TRIM43B: variants seen among roughly 807,000 people sequenced by gnomAD.
TRIM43B encodes tripartite motif-containing protein 43B.
A neutral mutation model predicts 27.0 loss-of-function variants in TRIM43B; 15 were observed. The observed-to-expected ratio is 0.55, with a 90% CI of 0.37 to 0.85. TRIM43B has a LOEUF of 0.85. Ranked by LOEUF, TRIM43B falls within the 40% of genes least tolerant of loss-of-function variation. TRIM43B has a pLI of 0.00. For synonymous variants in TRIM43B, 69 were observed against 97.8 expected (o/e 0.71, Z 1.74); for missense variants, 172 against 289.8 (o/e 0.59, Z 2.95).
At chr2:95,484,262 C>G (rs1305275842) in intron 1 of TRIM43B, among the ~76,000 whole-genome samples, 2 of 151,878 alleles carry the variant, frequency 1.3e-5, no homozygotes, top group African/African-American at 4.8e-5. Flanking sequence ...TTTCCAGCTA[C>G]TCTGGAGGCG....
chr2:95,480,506 G>A (rs551649603), exon 4 of TRIM43B: 2 of 1,607,746 alleles, frequency 1.2e-6, no homozygotes, highest in Admixed American at 1.7e-5. Context: ...ACTCATTCCT[G>A]ATCATCTGTG....
At chr2:95,481,022 C>G (rs1019748273) in intron 3 of TRIM43B, among the ~76,000 whole-genome samples, 10 of 152,088 alleles carry the variant, frequency 6.6e-5, no homozygotes, top group African/African-American at 2.4e-4. Flanking sequence ...TCCATAGACT[C>G]TGTATTGCAC....
chr2:95,482,322 C>T (rs1683544076), exon 2 of TRIM43B: 2 of 1,611,596 alleles, frequency 1.2e-6, no homozygotes, highest in Middle Eastern at 4.5e-4. Flanking sequence ...CCTCAGCTGC[C>T]TCTTCGATGG....
Position 95,481,581 on chromosome 2 carries a change from G to A in TRIM43B, c.507+14C>T, listed in dbSNP as rs766930832. 45 of 1,601,158 alleles carry A rather than the reference G, an allele frequency of 2.8e-5. No homozygotes were observed. In the Admixed American group the frequency reaches 3.5e-4, roughly 12 times the overall value. On this transcript the variant is annotated intron_variant, in intron 3 of 6. Transcript: ENST00000639673. The stretch of plus-strand genomic sequence containing the variant: ...TCTCAAGCTGGTCAGGAGGACTCAC[G>A]GTCTCATACTTACCCTCAAGAGGAA...
intron 1 of TRIM43B, among the ~76,000 whole-genome samples, 198 bp downstream of exon 1, chr2:95,484,408 G>A (rs1260769989): frequency 6.6e-6 from 1 of 151,692 alleles, no homozygotes; most frequent in African/African-American, 2.4e-5. Context: ...AGCTGAACAT[G>A]GTGGCCCATG....
At chr2:95,484,432 C>A (rs894948714) in intron 1 of TRIM43B, among the ~76,000 whole-genome samples, 174 bp downstream of exon 1, 2 of 150,476 alleles carry the variant, frequency 1.3e-5, no homozygotes, top group African/African-American at 4.9e-5. Flanking sequence ...AATCCATAAA[C>A]CTATGGATTA....
intron 1 of TRIM43B, 140 bp from the exon 2 acceptor site, chr2:95,482,858 G>A: frequency 6.8e-7 from 1 of 1,479,078 alleles, no homozygotes; most frequent in Admixed American, 2.6e-5. Context: ...GACAGAAATA[G>A]GAAAAATAGA....
rs980183297 is a variant in TRIM43B, at chr2:95,482,896, T to G, written c.-4-178A>C. On this transcript the variant is annotated intron_variant, in intron 1 of 6. Coordinates refer to ENST00000639673, the Ensembl canonical transcript of TRIM43B. ...ACTAAGGCACAAAGAGACATCAATC[T>G]CTATAAAAAGTGACTGTTCTCCAAT... Among the ~76,000 whole-genome samples the G allele has an allele frequency of 6.6e-5, 10 of 152,250 alleles. No homozygotes were observed. The East Asian group carries it at 1.9e-3, about 29-fold the overall frequency.
At chr2:95,481,635 C>T in exon 3 of TRIM43B, 1 of 1,612,716 alleles carries the variant, frequency 6.2e-7, no homozygotes, top group Non-Finnish European at 8.5e-7. Context: ...ATATAGATTT[C>T]TCTGATTTTC....
At chr2:95,481,303 A>G (rs756288410) in intron 3 of TRIM43B, among the ~76,000 whole-genome samples, 8 of 152,138 alleles carry the variant, frequency 5.3e-5, no homozygotes, top group Non-Finnish European at 1.2e-4. Context: ...TCAATTATAT[A>G]CTATTTAATC....
chr2:95,484,624 T>G (rs1683608246), exon 1 of TRIM43B: 1 of 152,186 alleles, frequency 6.6e-6, no homozygotes, highest in Non-Finnish European at 1.5e-5. Flanking sequence ...TATATCTATG[T>G]TCTCACCAAA....
intron 1 of TRIM43B, among the ~76,000 whole-genome samples, chr2:95,483,082 C>A (rs1036033804): frequency 2.0e-5 from 3 of 152,086 alleles, no homozygotes; most frequent in African/African-American, 4.8e-5. Context: ...TAACAGTCTT[C>A]ATTGCCAGTG....
In TRIM43B at chr2:95,481,699, G is replaced by C. The variant is rs758001897; in HGVS notation, c.412-9C>G. The C allele has an allele frequency of 1.2e-6, 2 of 1,610,090 alleles. No homozygotes were observed. The highest frequency in any genetic ancestry group is 1.7e-5 in the Admixed American group (1 of 59,464). ...TGCTTTAAGAGTTTCTCCTGCAAAA[G>C]AATTAAAGGTTGAACAGAAAGTCAA... is the stretch of plus-strand genomic sequence containing the variant. On this transcript the variant is annotated splice_polypyrimidine_tract_variant and intron_variant, in intron 2 of 6. Transcript: ENST00000639673.
exon 4 of TRIM43B, chr2:95,480,342 A>G: frequency 6.2e-7 from 1 of 1,609,870 alleles, no homozygotes; most frequent in African/African-American, 1.3e-5. Flanking sequence ...ACACATTTCC[A>G]TTAGTTCCTG....
exon 2 of TRIM43B, chr2:95,482,385 G>T: frequency 1.9e-6 from 3 of 1,605,640 alleles, no homozygotes; most frequent in African/African-American, 1.3e-5. Context: ...GCAAGCAGAG[G>T]AGACTCTTGT....
At chr2:95,482,893 A>G (rs555256767) in intron 1 of TRIM43B, among the ~76,000 whole-genome samples, 175 bp from the exon 2 acceptor site, 1 of 152,166 alleles carries the variant, frequency 6.6e-6, no homozygotes, top group Non-Finnish European at 1.5e-5. Flanking sequence ...AGAGACATCA[A>G]TCTCTATAAA....
chr2:95,484,081 A>AG (rs1683591113), intron 1 of TRIM43B, among the ~76,000 whole-genome samples: 1 of 149,842 alleles, frequency 6.7e-6, no homozygotes, highest in Admixed American at 6.6e-5. Flanking sequence ...AAAAAAAAAA[A>AG]AAAAAAAGGC....
At chr2:95,480,338 T>C (rs1683498385) in exon 4 of TRIM43B, 8 of 1,609,648 alleles carry the variant, frequency 5.0e-6, no homozygotes, top group Non-Finnish European at 6.8e-6. Flanking sequence ...TATGACACAT[T>C]TCCATTAGTT....
chr2:95,481,747 A>T lies in TRIM43B; in HGVS notation c.412-57T>A, dbSNP rs1214895310. 3.2e-6 allele frequency: 5 copies of T among 1,571,936 alleles called. No homozygotes were observed. The African/African-American group carries it at 5.4e-5, about 17-fold the overall frequency. ...CAAATACCAAAGATTCCACCATCTG[A>T]GTGGTATAAGCAGGCAAGGGATCTA... is the stretch of plus-strand genomic sequence containing the variant. On this transcript the variant is annotated intron_variant, in intron 2 of 6. Coordinates refer to ENST00000639673, the Ensembl canonical transcript of TRIM43B.
Sources: gnomAD v4.1 joint callset for allele counts (sites outside exome capture counted in the v4.1 genomes callset) on GRCh38, gnomAD v4.1.1 for gene constraint, MANE v1.5 for transcripts, NCBI Gene and HGNC (gene_info 2026-07-23, HGNC 2026-07-21) for gene names.